SSUH2: variants seen among roughly 807,000 people sequenced by gnomAD.
SSUH2 encodes the protein ssu-2 homolog, also known as protein SSUH2 homolog.
SSUH2 carries 47 observed loss-of-function variants against 55.3 expected under a neutral mutation model. The ratio of observed to expected loss-of-function variants is 0.85; its 90% CI spans 0.67 to 1.08. The LOEUF is 1.08. SSUH2 is among the 50% of genes least tolerant of loss of function. The pLI is 0.00. For missense variants in SSUH2, 535 were observed against 490.7 expected (o/e 1.09, Z -0.85); for synonymous variants, 212 against 191.5 (o/e 1.11, Z -0.89).
At chr3:8,677,716 C>T (rs1450040652) in intron 2 of SSUH2, among the ~76,000 whole-genome samples, 3 of 150,724 alleles carry the variant, frequency 2.0e-5, no homozygotes, top group Non-Finnish European at 4.4e-5. Flanking sequence ...TGTTTTAGGG[C>T]CTTGGCAGCA....
At chr3:8,660,243 C>A (rs1305153) in intron 6 of SSUH2, among the ~76,000 whole-genome samples, 118,483 of 152,112 alleles carry the variant, frequency 0.78, 46,372 homozygotes, top group East Asian at 0.85. Flanking sequence ...ATAAAGAGAG[C>A]GCTGGTTAGA....
intron 5 of SSUH2, among the ~76,000 whole-genome samples, chr3:8,670,673 G>GT (rs1259713981): frequency 3.3e-5 from 5 of 152,024 alleles, no homozygotes; most frequent in Non-Finnish European, 5.9e-5. Context: ...ATCAGAGGGT[G>GT]TACATGCATT....
At chr3:8,654,396 C>T (rs370628718) in intron 7 of SSUH2, among the ~76,000 whole-genome samples, 1 of 152,228 alleles carries the variant, frequency 6.6e-6, no homozygotes, top group Non-Finnish European at 1.5e-5. Context: ...CCCACGTCAT[C>T]TCAGTTTCCT....
intron 7 of SSUH2, among the ~76,000 whole-genome samples, chr3:8,656,862 G>GGTT (rs113460485): frequency 2.0e-5 from 3 of 149,936 alleles, no homozygotes; most frequent in Non-Finnish European, 3.0e-5. Flanking sequence ...TTCATTTTTT[G>GGTT]GTTTGTTTGT....
At chr3:8,680,644 G>A (rs780245299) in intron 1 of SSUH2, among the ~76,000 whole-genome samples, 1 of 151,944 alleles carries the variant, frequency 6.6e-6, no homozygotes, top group African/African-American at 2.4e-5. Context: ...TTCCCTCCAG[G>A]ATCGTGGGTA....
At chr3:8,634,355 T>TC (rs1481047339) in intron 3 of SSUH2, 11 of 1,282,736 alleles carry the variant, frequency 8.6e-6, no homozygotes, top group Non-Finnish European at 1.1e-5. Context: ...TGCCTCCCCC[T>TC]CCTCCTGGAA....
chr3:8,673,752 A>T (rs112123181), intron 3 of SSUH2, among the ~76,000 whole-genome samples: 4,991 of 152,252 alleles, frequency 0.033, 276 homozygotes, highest in African/African-American at 0.11. Context: ...GTTACCAGGA[A>T]CCGAACACCT....
At chr3:8,634,603 T>C in intron 3 of SSUH2, 2 of 1,289,246 alleles carry the variant, frequency 1.6e-6, no homozygotes, top group Non-Finnish European at 2.0e-6. Context: ...CACTGTGGGC[T>C]GGAGAGGCCA....
At chr3:8,679,604 G>T (rs564945459) in intron 2 of SSUH2, 1 of 166,820 alleles carries the variant, frequency 6.0e-6, no homozygotes, top group Admixed American at 6.6e-5. Flanking sequence ...CCCATCGAAG[G>T]GGGTGGAGGC....
Position 8,677,320 on chromosome 3 carries a change from G to C in SSUH2, c.-867C>G, listed in dbSNP as rs747999743. On this transcript the variant is annotated 5_prime_UTR_variant, in exon 3 of 19. Coordinates refer to the SSUH2 transcript ENST00000317371. ...GTCCGAACTCAGCAGCCCGGGATCAGAAAGAAAGCAGGTCATTTGCAATCT... is the reference window on the plus strand; with the variant it reads ...GTCCGAACTCAGCAGCCCGGGATCACAAAGAAAGCAGGTCATTTGCAATCT... 2.0e-5 allele frequency: 3 copies of C among 151,420 alleles called. 1 individual carries two copies. The highest frequency in any genetic ancestry group is 7.3e-5 in the African/African-American group (3 of 41,144). The allele number at this position is 151,420 out of a possible 1,614,324, so 9.4% of individuals were successfully genotyped here. A position where few individuals can be genotyped will look rare whatever the true frequency, so the allele number is the denominator to read the frequency against.
At chr3:8,674,530 TCAC>T (rs1164112557) in intron 3 of SSUH2, among the ~76,000 whole-genome samples, 1 of 152,094 alleles carries the variant, frequency 6.6e-6, no homozygotes, top group Non-Finnish European at 1.5e-5. Context: ...ACCGCCCCGG[TCAC>T]CCCCTTATCC....
chr3:8,668,406 G>T (rs549759157), intron 5 of SSUH2, among the ~76,000 whole-genome samples: 1 of 152,328 alleles, frequency 6.6e-6, no homozygotes, highest in African/African-American at 2.4e-5. Flanking sequence ...ATCATAAAAT[G>T]ATTCATCTCT....
At chr3:8,622,298 G>T (rs1415421926) in intron 11 of SSUH2, among the ~76,000 whole-genome samples, 1 of 152,098 alleles carries the variant, frequency 6.6e-6, no homozygotes, top group South Asian at 2.1e-4. Flanking sequence ...ATGTGTATTT[G>T]CCCCCTGGTT....
At position 8,630,917 on chromosome 3, in the gene SSUH2, T is replaced by A. The variant is rs758678140; in HGVS notation, c.413A>T (p.Asp138Val). 8 of 1,437,312 alleles carry A rather than the reference T, an allele frequency of 5.6e-6. No individual in the cohort carries two copies. Among genetic ancestry groups the A allele is most frequent in the Non-Finnish European group, 7.3e-6 (8 of 1,092,038 alleles). 89.0% of individuals were successfully genotyped at this position (1,437,312 alleles called of 1,614,324 possible). The change falls in exon 6 of 12, where the codon GAT becomes GTT. Residue 138 changes from aspartate to valine, a missense_variant. Transcript: ENST00000544814. The part of the protein sequence containing the change: ...TFQPFTNHSV[D>V]GPQRGASPRL... ...GGGGGAGGCGCCTCTTTGCGGCCCA[T>A]CCACAGAGTGGTCTGACACAGAAAG... is the stretch of plus-strand genomic sequence containing the variant.
At chr3:8,626,342 G>T in intron 8 of SSUH2, 21 bp from the exon 9 acceptor site, 1 of 1,603,286 alleles carries the variant, frequency 6.2e-7, no homozygotes. Flanking sequence ...CACAGAGTCC[G>T]TACCCCCAGA....
At chr3:8,674,363 G>A (rs977530173) in intron 3 of SSUH2, among the ~76,000 whole-genome samples, 9 of 152,160 alleles carry the variant, frequency 5.9e-5, no homozygotes, top group Admixed American at 1.3e-4. Context: ...AGGAGGCCCC[G>A]GACAAGGAGG....
Position 8,630,820 on chromosome 3 carries a change from G to A in SSUH2, c.510C>T (p.His170=). ...ATCGTATTACCTTGACCAGTGACGA[G>A]TGAGGGACCTGGAACTTCCTGGTGT... The part of the protein sequence containing the change: ...QEDTRKFQVP[H]SSLVKECHKC... The change falls in exon 6 of 12, where the codon CAC becomes CAT. Residue 170 remains histidine, a synonymous_variant. Transcript: ENST00000544814. 1 of 1,480,958 alleles carries A rather than the reference G, an allele frequency of 6.8e-7. No homozygotes were observed. The highest frequency in any genetic ancestry group is 1.5e-5 in the South Asian group (1 of 68,726). The allele number at this position is 1,480,958 out of a possible 1,614,324, so 91.7% of individuals were successfully genotyped here. A position where few individuals can be genotyped will look rare whatever the true frequency, so the allele number is the denominator to read the frequency against.
chr3:8,641,369 G>GA (rs1415793539), intron 1 of SSUH2, among the ~76,000 whole-genome samples: 26 of 152,158 alleles, frequency 1.7e-4, no homozygotes, highest in South Asian at 6.2e-4. Context: ...TCTTTGGGGA[G>GA]AAAAAATCAC....
rs772457229 is a variant in SSUH2, at chr3:8,623,537, G to A, written c.981+12C>T. The stretch of plus-strand genomic sequence containing the variant: ...GACGTCAGAGCCAGATGGCCCCTCC[G>A]CCCTGGCTCACCTGCTGCAGGACGC... On this transcript the variant is annotated intron_variant, in intron 11 of 11. Coordinates refer to ENST00000544814, the MANE Select transcript of SSUH2 (RefSeq NM_001256748.3). The A allele has an allele frequency of 2.7e-5, 41 of 1,512,496 alleles. No individual in the cohort carries two copies. The highest frequency in any genetic ancestry group is 9.8e-5 in the Admixed American group (5 of 50,916). 93.7% of individuals were successfully genotyped at this position (1,512,496 alleles called of 1,614,324 possible).
Sources: allele counts gnomAD v4.1 joint callset (sites outside exome capture counted in the v4.1 genomes callset), GRCh38; gene constraint gnomAD v4.1.1; transcripts MANE v1.5; gene names NCBI Gene and HGNC (gene_info 2026-07-23, HGNC 2026-07-21).